Variants in AUTS2 observed in about 807,000 individuals in gnomAD.
The protein encoded by AUTS2 is autism susceptibility gene 2 protein.
In AUTS2, 17 loss-of-function variants were observed where a neutral mutation model predicts 112.4. The observed-to-expected ratio is 0.15, with a 90% confidence interval of 0.10 to 0.23. AUTS2 has a LOEUF of 0.23. Among genes scored for constraint, AUTS2 ranks in the 10% least tolerant of loss-of-function variants. AUTS2 has a pLI of 1.00. For synonymous variants in AUTS2, 751 were observed against 702.7 expected (o/e 1.07, Z -1.09); for missense variants, 1,510 against 1,701.6 (o/e 0.89, Z 1.98).
intron 1 of AUTS2, among the ~76,000 whole-genome samples, chr7:69,656,739 G>A (rs537081001): frequency 2.6e-5 from 4 of 152,276 alleles, no homozygotes; most frequent in African/African-American, 9.6e-5. Flanking sequence ...GCTTGAATAT[G>A]TGAATTTGAT....
At chr7:70,765,961 G>A (rs1486914040) in intron 8 of AUTS2, among the ~76,000 whole-genome samples, 153 bp from the exon 9 acceptor site, 1 of 152,102 alleles carries the variant, frequency 6.6e-6, no homozygotes, top group Non-Finnish European at 1.5e-5. Context: ...GGTCTCGTCT[G>A]CTTCATTGAT....
At chr7:70,462,778 G>A (rs7783204) in intron 5 of AUTS2, among the ~76,000 whole-genome samples, 11,468 of 152,092 alleles carry the variant, frequency 0.075, 551 homozygotes, top group East Asian at 0.14. Context: ...ACAATATGGT[G>A]AAACCCCCTC....
intron 1 of AUTS2, among the ~76,000 whole-genome samples, chr7:69,692,659 A>C (rs1358499832): frequency 6.6e-6 from 1 of 152,186 alleles, no homozygotes; most frequent in Non-Finnish European, 1.5e-5. Flanking sequence ...ATGATCTTGA[A>C]CTTGACTATT....
intron 4 of AUTS2, among the ~76,000 whole-genome samples, chr7:70,299,578 T>C (rs996149626): frequency 6.6e-6 from 1 of 152,168 alleles, no homozygotes; most frequent in Non-Finnish European, 1.5e-5. Flanking sequence ...ATTGGTATCA[T>C]TGAAGCCTAC....
intron 5 of AUTS2, among the ~76,000 whole-genome samples, chr7:70,575,314 C>G (rs370363400): frequency 6.6e-6 from 1 of 152,146 alleles, no homozygotes. Context: ...CATGGGGCAC[C>G]CCTGCCTGTG....
intron 4 of AUTS2, among the ~76,000 whole-genome samples, chr7:70,269,313 G>A (rs548218864): frequency 2.0e-5 from 3 of 152,270 alleles, no homozygotes; most frequent in African/African-American, 7.2e-5. Context: ...CCCTTGTGCT[G>A]TTGTTCTCTT....
At chr7:70,589,210 C>T (rs1328943288) in intron 5 of AUTS2, among the ~76,000 whole-genome samples, 4 of 152,244 alleles carry the variant, frequency 2.6e-5, no homozygotes, top group Admixed American at 2.0e-4. Context: ...GGGCAATCCG[C>T]TCCTTCCAAC....
At chr7:70,142,645 T>A (rs1806926564) in intron 4 of AUTS2, among the ~76,000 whole-genome samples, 1 of 152,248 alleles carries the variant, frequency 6.6e-6, no homozygotes, top group South Asian at 2.1e-4. Flanking sequence ...ATAGAGATAC[T>A]GAAGCTGTTG....
chr7:69,866,010 CT>C (rs1019888898), intron 1 of AUTS2, among the ~76,000 whole-genome samples: 22 of 152,084 alleles, frequency 1.4e-4, no homozygotes, highest in Admixed American at 2.6e-4. Context: ...TGAGTTCTAC[CT>C]TTTTCTTGTC....
At chr7:70,718,992 TTG>T (rs35592660) in intron 6 of AUTS2, among the ~76,000 whole-genome samples, 36,797 of 152,010 alleles carry the variant, frequency 0.24, 4,851 homozygotes, top group Middle Eastern at 0.35. Context: ...GTTTTTCAGT[TTG>T]TCAGAGTGGT....
At chr7:70,491,589 T>TGTG (rs1461767874) in intron 5 of AUTS2, among the ~76,000 whole-genome samples, 2 of 138,804 alleles carry the variant, frequency 1.4e-5, no homozygotes, top group African/African-American at 5.4e-5. Context: ...TGTATATATA[T>TGTG]TGTGTGTGTG....
At chr7:69,898,710 T>C (rs749146326) in intron 1 of AUTS2, among the ~76,000 whole-genome samples, 3 of 152,142 alleles carry the variant, frequency 2.0e-5, no homozygotes, top group South Asian at 2.1e-4. Flanking sequence ...GTGATAATAT[T>C]GTTGTTACAT....
At chr7:69,725,738 C>T (rs1037286718) in intron 1 of AUTS2, among the ~76,000 whole-genome samples, 2 of 152,106 alleles carry the variant, frequency 1.3e-5, no homozygotes, top group Admixed American at 6.6e-5. Context: ...GTAAATTGCA[C>T]TGAGAATAGT....
chr7:70,696,106 A>T (rs1164359519), intron 5 of AUTS2, among the ~76,000 whole-genome samples: 1 of 152,204 alleles, frequency 6.6e-6, no homozygotes, highest in Non-Finnish European at 1.5e-5. Context: ...AATGATAAAC[A>T]TCCCCAAGAT....
intron 6 of AUTS2, among the ~76,000 whole-genome samples, chr7:70,727,737 A>G (rs910092843): frequency 3.3e-5 from 5 of 152,224 alleles, no homozygotes; most frequent in South Asian, 4.1e-4. Flanking sequence ...CCCAGGATCT[A>G]TGTCTTGGTT....
chr7:70,607,292 T>TAAA, intron 5 of AUTS2, among the ~76,000 whole-genome samples: 1 of 152,254 alleles, frequency 6.6e-6, no homozygotes, highest in East Asian at 1.9e-4. Context: ...CTTTTTAAAA[T>TAAA]AAGTATGCCT....
intron 1 of AUTS2, among the ~76,000 whole-genome samples, chr7:69,633,176 A>G (rs1433908731): frequency 2.6e-5 from 4 of 152,096 alleles, no homozygotes; most frequent in African/African-American, 7.2e-5. Flanking sequence ...TATATAAGTG[A>G]GATCATGCAA....
intron 2 of AUTS2, among the ~76,000 whole-genome samples, chr7:70,074,925 A>C (rs1802956335): frequency 2.0e-5 from 3 of 152,122 alleles, no homozygotes; most frequent in Non-Finnish European, 4.4e-5. Context: ...TGACATCTGG[A>C]ATTTACCTCC....
At position 70,035,698 on chromosome 7, in the gene AUTS2, G is replaced by T. The variant is rs1025846126; in HGVS notation, c.523-82434G>T. 1.3e-4 allele frequency among the ~76,000 whole-genome samples: 20 copies of T among 152,144 alleles called. 1 individual carries two copies. Among genetic ancestry groups the T allele is most frequent in the African/African-American group, 4.8e-4 (20 of 41,426 alleles). On this transcript the variant is annotated intron_variant, in intron 2 of 18. Transcript: ENST00000342771. ...ATGAAATAAGAGAATGGAACCAGCT[G>T]GTTCTTTATTCTTCCCGGTTCCAAG... is the stretch of plus-strand genomic sequence containing the variant.
Sources: gnomAD v4.1 joint callset for allele counts (sites outside exome capture counted in the v4.1 genomes callset) on GRCh38, gnomAD v4.1.1 for gene constraint, MANE v1.5 for transcripts, NCBI Gene and HGNC (gene_info 2026-07-23, HGNC 2026-07-21) for gene names.